OTOF: variants seen among roughly 807,000 people sequenced by gnomAD.
The protein encoded by OTOF is fer-1-like family member 2.
A neutral mutation model predicts 236.8 loss-of-function variants in OTOF; 218 were observed. The observed-to-expected ratio is 0.92, with a 90% CI of 0.82 to 1.03. OTOF has a LOEUF of 1.03. Among genes scored for constraint, OTOF ranks in the 50% least tolerant of loss-of-function variants. The probability of loss-of-function intolerance (pLI) is 0.00; values close to 1 mark genes in which losing one functional copy is unlikely to be tolerated. For synonymous variants in OTOF, 1,041 were observed against 1,072.5 expected (o/e 0.97, Z 0.57); for missense variants, 2,590 against 2,694.4 (o/e 0.96, Z 0.86).
At chr2:26,481,163 T>C (rs954885060) in intron 14 of OTOF, among the ~76,000 whole-genome samples, 154 bp from the exon 15 acceptor site, 16 of 152,076 alleles carry the variant, frequency 1.1e-4, no homozygotes, top group African/African-American at 3.6e-4. Context: ...CTTCTTACAC[T>C]GCGCTGGGGT....
intron 1 of OTOF, among the ~76,000 whole-genome samples, chr2:26,551,117 G>A (rs771132685): frequency 1.3e-4 from 20 of 152,272 alleles, no homozygotes; most frequent in South Asian, 2.1e-4. Context: ...AGCCTCCCGA[G>A]TAGCTGGGAT....
At chr2:26,493,993 G>C (rs995425817) in intron 9 of OTOF, among the ~76,000 whole-genome samples, 1 of 152,212 alleles carries the variant, frequency 6.6e-6, no homozygotes, top group Non-Finnish European at 1.5e-5. Flanking sequence ...GTTTTGATGA[G>C]TGAGTGTATT....
intron 2 of OTOF, among the ~76,000 whole-genome samples, chr2:26,529,703 G>A (rs953724720): frequency 7.2e-5 from 11 of 152,148 alleles, no homozygotes; most frequent in Admixed American, 4.6e-4. Flanking sequence ...TCAGGAAAAC[G>A]GCCTTTGTGA....
At position 26,480,547 on chromosome 2, in the gene OTOF, G is replaced by T. The variant is rs186993381; in HGVS notation, c.1804-236C>A. Among the ~76,000 whole-genome samples the T allele has an allele frequency of 4.8e-3, 738 of 152,356 alleles. 4 individuals carry two copies. Among genetic ancestry groups the T allele is most frequent in the African/African-American group, 0.017 (701 of 41,590 alleles). The stretch of plus-strand genomic sequence containing the variant: ...GGCTGGGAAGAGGGGCAGAGGGGAG[G>T]CACCATCGTGAGACCTGGCGGCCGT... On this transcript the variant is annotated intron_variant, in intron 15 of 46. Transcript: ENST00000272371.
At chr2:26,526,086 CA>C (rs796661291) in intron 3 of OTOF, among the ~76,000 whole-genome samples, 3,322 of 58,362 alleles carry the variant, frequency 0.057, 40 homozygotes, top group African/African-American at 0.11. Flanking sequence ...GACTCTGTCT[CA>C]AAAAAAAAAA....
intron 39 of OTOF, among the ~76,000 whole-genome samples, chr2:26,464,565 G>A (rs370441489): frequency 4.4e-4 from 67 of 152,294 alleles, no homozygotes; most frequent in African/African-American, 1.5e-3. Flanking sequence ...GACCTTGGGC[G>A]AGTCACTAGA....
chr2:26,503,591 C>T (rs1392451902), intron 6 of OTOF, among the ~76,000 whole-genome samples, 181 bp downstream of exon 6: 1 of 152,236 alleles, frequency 6.6e-6, no homozygotes, highest in African/African-American at 2.4e-5. Flanking sequence ...AGGGCGCTGC[C>T]CGTTTCCCTC....
At chr2:26,534,938 G>A (rs1196100770) in intron 2 of OTOF, among the ~76,000 whole-genome samples, 1 of 152,246 alleles carries the variant, frequency 6.6e-6, no homozygotes, top group Non-Finnish European at 1.5e-5. Context: ...GATTCTTTCA[G>A]GGGGAAGCCA....
chr2:26,486,724 A>G (rs1665710342), intron 11 of OTOF, among the ~76,000 whole-genome samples: 1 of 152,310 alleles, frequency 6.6e-6, no homozygotes, highest in African/African-American at 2.4e-5. Context: ...AGGTTAGAGG[A>G]CCAATCAGAG....
At chr2:26,474,754 C>T in intron 25 of OTOF, 80 bp from the exon 26 acceptor site, 1 of 1,511,664 alleles carries the variant, frequency 6.6e-7, no homozygotes, top group Non-Finnish European at 9.2e-7. Flanking sequence ...ACCACAGCGC[C>T]ATGAGTTGTT....
chr2:26,496,535 C>T (rs762011379), intron 8 of OTOF, among the ~76,000 whole-genome samples: 4 of 152,112 alleles, frequency 2.6e-5, no homozygotes, highest in Non-Finnish European at 5.9e-5. Context: ...CCACTGTGAC[C>T]AGCCAATTAT....
At chr2:26,481,999 A>G (rs528994312) in intron 14 of OTOF, among the ~76,000 whole-genome samples, 1 of 152,236 alleles carries the variant, frequency 6.6e-6, no homozygotes, top group Non-Finnish European at 1.5e-5. Context: ...GAGGTAGTCA[A>G]TCCCTGCGAT....
At chr2:26,495,928 C>T (rs757256734) in intron 8 of OTOF, among the ~76,000 whole-genome samples, 3 of 152,214 alleles carry the variant, frequency 2.0e-5, no homozygotes, top group African/African-American at 4.8e-5. Flanking sequence ...GCCTCTGATA[C>T]GTCTTTGCAT....
Position 26,475,399 on chromosome 2 carries a change from G to A in OTOF, c.3086C>T (p.Pro1029Leu), listed in dbSNP as rs778011514. ...ATAGATTTCAATGACAATGATGGGC[G>A]GATCGTCCCTCAGCTCATGAGCTTC... ...YGEAHELRDD[P>L]PIIVIEIYDQ... Residue 1029 changes from proline (P) to leucine (L), a missense_variant, in exon 25 of 47, where the codon CCG becomes CTG. Around this residue, in one of 2 missense-constraint regions of OTOF, gnomAD observed 1,211 missense variants for 1,352.8 expected, o/e 0.90. Transcript: ENST00000272371. The A allele has an allele frequency of 7.4e-6, 12 of 1,612,980 alleles. No individual in the cohort carries two copies. Among genetic ancestry groups the A allele is most frequent in the African/African-American group, 4.0e-5 (3 of 74,910 alleles).
At chr2:26,550,352 G>A (rs978356372) in intron 1 of OTOF, among the ~76,000 whole-genome samples, 1 of 151,926 alleles carries the variant, frequency 6.6e-6, no homozygotes, top group African/African-American at 2.4e-5. Flanking sequence ...TGCCTGGATG[G>A]CTGGCTGCAG....
In OTOF at chr2:26,471,110, C is replaced by A. The variant is rs1664954653; in HGVS notation, c.3894+11G>T. 6.2e-7 allele frequency: 1 copy of A among 1,613,908 alleles called. No individual in the cohort carries two copies. Among genetic ancestry groups the A allele is most frequent in the Admixed American group, 1.7e-5 (1 of 60,006 alleles). On this transcript the variant is annotated intron_variant, in intron 31 of 46. Transcript: ENST00000272371. ...CTCACCCCAGAGCCCCTGCATGGCC[C>A]CCACACTCACCACATCCACCTTGAC...
chr2:26,473,104 C>T lies in OTOF; in HGVS notation c.3733+28G>A, dbSNP rs1331828087. ...CTTCCCTGGGGGGCGTGGAGCCAGG[C>T]TTGGTGGCAGGGTGGATGTGGCCAT... On this transcript the variant is annotated intron_variant, in intron 29 of 46. Coordinates refer to ENST00000272371, the MANE Select transcript of OTOF (RefSeq NM_194248.3). This position sits in a 1 kb window ranked among gnomAD's most constrained non-coding sequence, Gnocchi z 7.2. 1.2e-6 allele frequency: 2 copies of T among 1,604,590 alleles called. No homozygotes were observed. The highest frequency in any genetic ancestry group is 1.7e-5 in the Admixed American group (1 of 59,852).
chr2:26,502,296 T>G lies in OTOF; in HGVS notation c.710+4A>C, dbSNP rs1292292163. ...CTGGGGTTGCAGGGCTCCCGTCCAC[T>G]CACCGCTTGTTGGAGACATTAGTGG... is the stretch of plus-strand genomic sequence containing the variant. On this transcript the variant is annotated splice_donor_region_variant and intron_variant, in intron 7 of 46. Transcript: ENST00000272371. 6.2e-7 allele frequency: 1 copy of G among 1,614,062 alleles called. No homozygotes were observed. The highest frequency in any genetic ancestry group is 8.5e-7 in the Non-Finnish European group (1 of 1,180,002).
chr2:26,535,925 G>T (rs907722657), intron 2 of OTOF, among the ~76,000 whole-genome samples: 3 of 152,218 alleles, frequency 2.0e-5, no homozygotes, highest in South Asian at 2.1e-4. Flanking sequence ...CATGGAAAAG[G>T]GTGGCAGTGC....
Sources: gnomAD v4.1 joint callset for allele counts (sites outside exome capture counted in the v4.1 genomes callset) on GRCh38, gnomAD v4.1.1 for gene constraint, gnomAD v4.1.1 regional missense constraint, Gnocchi (gnomAD v3.1) non-coding constraint, MANE v1.5 for transcripts, NCBI Gene and HGNC (gene_info 2026-07-23, HGNC 2026-07-21) for gene names.